LARP1: variants seen among roughly 807,000 people sequenced by gnomAD.
The protein encoded by LARP1 is La ribonucleoprotein 1, translational regulator.
LARP1 carries 36 observed loss-of-function variants against 122.7 expected under a neutral mutation model. That is an observed-to-expected ratio of 0.29 (90% CI 0.22 to 0.39). LARP1 has a LOEUF of 0.39. LARP1 is among the 10% of genes least tolerant of loss of function. The probability of loss-of-function intolerance (pLI) is 1.00; values close to 1 mark genes in which losing one functional copy is unlikely to be tolerated. For synonymous variants in LARP1, 539 were observed against 528.7 expected (o/e 1.02, Z -0.27); for missense variants, 1,040 against 1,403.6 (o/e 0.74, Z 4.14).
At chr5:154,739,917 A>T (rs1469365493) in intron 1 of LARP1, among the ~76,000 whole-genome samples, 2 of 152,000 alleles carry the variant, frequency 1.3e-5, no homozygotes, top group Non-Finnish European at 2.9e-5. Flanking sequence ...ACCACTAGCA[A>T]GCAAGGTGTG....
intron 1 of LARP1, among the ~76,000 whole-genome samples, chr5:154,766,700 A>C (rs999732123): frequency 1.3e-5 from 2 of 152,192 alleles, no homozygotes; most frequent in African/African-American, 4.8e-5. Context: ...CCACATGGCT[A>C]GGCTTCTAAC....
rs200095256 is a variant in LARP1, at chr5:154,794,343, C to T, written c.1232+81C>T. The stretch of plus-strand genomic sequence containing the variant: ...CTAGAGTGTCATAGCTGGGCAGGCC[C>T]TTCTGGTGCTTAGCAGCAGTTTCAG... On this transcript the variant is annotated intron_variant, in intron 7 of 18. Transcript: ENST00000518297. 7.9e-6 allele frequency: 11 copies of T among 1,399,378 alleles called. No homozygotes were observed. In the East Asian group the frequency reaches 1.2e-4, roughly 15 times the overall value. The allele number at this position is 1,399,378 out of a possible 1,614,324, so 86.7% of individuals were successfully genotyped here.
In LARP1 at chr5:154,803,374, A is replaced by C; in HGVS notation, c.2194A>C (p.Asn732His). 6.2e-7 allele frequency: 1 copy of C among 1,614,154 alleles called. No homozygotes were observed. Among genetic ancestry groups the C allele is most frequent in the Non-Finnish European group, 8.5e-7 (1 of 1,180,034 alleles). The change falls in exon 12 of 19, where the codon AAC becomes CAC. Residue 732 changes from asparagine (N) to histidine (H), a missense_variant. Physicochemically the swap from Asn to His is moderately conservative, Grantham distance 68 (BLOSUM62 1). Coordinates refer to ENST00000518297, the MANE Select transcript of LARP1 (RefSeq NM_033551.3). The surrounding 1 kb of genome is among the most constrained non-coding windows in gnomAD (Gnocchi z 4.4). ...GACCCCTGAGCCCCCTGTGGATCCC[A>C]ACCAGGAAGTTCCTCCTGGGCCACC... Reference protein sequence around the residue: ...TLTPEPPVDPNQEVPPGPPRF... With the variant: ...TLTPEPPVDPHQEVPPGPPRF...
At chr5:154,716,819 C>A (rs774642696) in intron 1 of LARP1, among the ~76,000 whole-genome samples, 2 of 151,904 alleles carry the variant, frequency 1.3e-5, no homozygotes, top group South Asian at 4.2e-4. Flanking sequence ...CAGCACTTTG[C>A]GGGGCTAAGG....
chr5:154,767,095 G>A (rs1236639744), intron 1 of LARP1, among the ~76,000 whole-genome samples: 1 of 152,184 alleles, frequency 6.6e-6, no homozygotes, highest in Non-Finnish European at 1.5e-5. Flanking sequence ...GTAAAATGGG[G>A]TAGTTGAGCA....
At chr5:154,703,577 G>T (rs1159241201) in intron 1 of LARP1, among the ~76,000 whole-genome samples, 1 of 152,140 alleles carries the variant, frequency 6.6e-6, no homozygotes. Context: ...TTGTACCACT[G>T]CATTCCAACC....
At chr5:154,786,596 C>A in intron 1 of LARP1, 1 of 412,858 alleles carries the variant, frequency 2.4e-6, no homozygotes, top group African/African-American at 2.1e-5. Flanking sequence ...GCTGCTGGGC[C>A]CAGTCATCAG....
At chr5:154,789,731 C>T (rs375082360) in intron 1 of LARP1, among the ~76,000 whole-genome samples, 1 of 152,140 alleles carries the variant, frequency 6.6e-6, no homozygotes, top group East Asian at 1.9e-4. Flanking sequence ...AGGATAAATT[C>T]TTAGAGGTAG....
At chr5:154,701,472 C>T (rs1469957105) in intron 1 of LARP1, among the ~76,000 whole-genome samples, 4 of 152,130 alleles carry the variant, frequency 2.6e-5, no homozygotes, top group Admixed American at 1.3e-4. Context: ...GAGCTGACTC[C>T]AGCCCATAGG....
In LARP1 at chr5:154,689,946, G is replaced by A. The variant is rs148063839; in HGVS notation, c.-180+6909G>A. Among the ~76,000 whole-genome samples, 1,307 of 152,240 alleles carry A rather than the reference G, an allele frequency of 8.6e-3. 19 individuals are homozygous for A. Among genetic ancestry groups the A allele is most frequent in the African/African-American group, 0.03 (1,230 of 41,546 alleles). ...ACAAAAAAATTAGCTGGGCGTGGTG[G>A]CACGCGCCTGCTTGAACCTGGGAGG... On this transcript the variant is annotated intron_variant, in intron 1 of 18. Transcript: ENST00000687700.
Position 154,803,568 on chromosome 5 carries a change from G to A in LARP1, c.2262G>A (p.Leu754=). ...CTACGGATGCCCTGGCCAACAAGTT[G>A]TTTGGTGCTCCTGAGCCCTCCACCA... ...QVPTDALANK[L]FGAPEPSTIA... Residue 754 remains leucine (L), a synonymous_variant, in exon 13 of 19, where the codon TTG becomes TTA. Coordinates refer to ENST00000518297, the MANE Select transcript of LARP1 (RefSeq NM_033551.3). The surrounding 1 kb of genome is among the most constrained non-coding windows in gnomAD (Gnocchi z 4.4). 6.2e-7 allele frequency: 1 copy of A among 1,614,112 alleles called. No homozygotes were observed. The highest frequency in any genetic ancestry group is 8.5e-7 in the Non-Finnish European group (1 of 1,180,020).
chr5:154,812,838 T>G (rs1043709966), intron 18 of LARP1, among the ~76,000 whole-genome samples: 1 of 151,802 alleles, frequency 6.6e-6, no homozygotes, highest in African/African-American at 2.4e-5. Context: ...TATAAGACCG[T>G]CAGATCTTGT....
At chr5:154,696,760 G>T (rs1561531264) in intron 1 of LARP1, among the ~76,000 whole-genome samples, 1 of 152,190 alleles carries the variant, frequency 6.6e-6, no homozygotes. Context: ...ACCAAGGCAG[G>T]TATCAATCAT....
upstream of LARP1, among the ~76,000 whole-genome samples, chr5:154,751,156 A>C (rs1304891322): frequency 1.3e-5 from 2 of 152,134 alleles, no homozygotes; most frequent in Admixed American, 6.6e-5. Context: ...ATACTTATGG[A>C]TATGGCAATG....
chr5:154,694,545 C>T (rs913599359), intron 1 of LARP1, among the ~76,000 whole-genome samples: 54 of 152,102 alleles, frequency 3.6e-4, no homozygotes, highest in African/African-American at 1.3e-3. Flanking sequence ...CAGGTGTAAG[C>T]GACTATACCT....
chr5:154,778,643 C>A (rs1465220237), intron 1 of LARP1, among the ~76,000 whole-genome samples: 1 of 152,236 alleles, frequency 6.6e-6, no homozygotes, highest in African/African-American at 2.4e-5. Flanking sequence ...CCCACCCCTA[C>A]CACAGGCCTC....
At position 154,698,598 on chromosome 5, in the gene LARP1, A is replaced by AAAAT. The variant is rs374624756; in HGVS notation, c.-180+15581_-180+15584dup. 2.3e-3 allele frequency among the ~76,000 whole-genome samples: 348 copies of AAAAT among 152,290 alleles called. 2 individuals are homozygous for AAAAT. Among genetic ancestry groups the AAAAT allele is most frequent in the African/African-American group, 7.7e-3 (319 of 41,548 alleles). The stretch of plus-strand genomic sequence containing the variant: ...GGCGACAAGAGCGAGGCTGTGTCTC[A>AAAAT]AAATAAATAAATAAATAAATAAAAA... On this transcript the variant is annotated intron_variant, in intron 1 of 18. Transcript: ENST00000687700.
At chr5:154,755,138 C>G (rs911292451), upstream of LARP1, among the ~76,000 whole-genome samples, 6 of 151,884 alleles carry the variant, frequency 4.0e-5, no homozygotes, top group African/African-American at 7.2e-5. Context: ...GTCCCTACCC[C>G]CAGCCCGGGA....
At chr5:154,757,649 G>A (rs1468681302) in intron 1 of LARP1, among the ~76,000 whole-genome samples, 1 of 152,158 alleles carries the variant, frequency 6.6e-6, no homozygotes, top group African/African-American at 2.4e-5. Context: ...TAGAAGCACT[G>A]CTAGTCCTAG....
Sources: gnomAD v4.1 joint callset for allele counts (sites outside exome capture counted in the v4.1 genomes callset) on GRCh38, gnomAD v4.1.1 for gene constraint, Gnocchi (gnomAD v3.1) non-coding constraint, MANE v1.5 for transcripts, NCBI Gene and HGNC (gene_info 2026-07-23, HGNC 2026-07-21) for gene names.